The following DLC1 variants were observed in gnomAD, a reference collection of about 807,000 sequenced individuals.
DLC1 encodes rho GTPase-activating protein 7.
A neutral mutation model predicts 140.3 loss-of-function variants in DLC1; 54 were observed. That is an observed-to-expected ratio of 0.38 (90% CI 0.31 to 0.48). The LOEUF (loss-of-function observed/expected upper bound fraction) is 0.48. Ranked by LOEUF, DLC1 falls within the 20% of genes least tolerant of loss-of-function variation. The pLI is 0.96. For missense variants in DLC1, 2,536 were observed against 1,907.0 expected (o/e 1.33, Z -6.14); for synonymous variants, 986 against 728.1 (o/e 1.35, Z -5.70).
At chr8:13,503,878 A>G (rs960901644) in intron 1 of DLC1, among the ~76,000 whole-genome samples, 1 of 152,156 alleles carries the variant, frequency 6.6e-6, no homozygotes, top group East Asian at 1.9e-4. Flanking sequence ...TCTGTGGTAA[A>G]TATCTATCTA....
intron 5 of DLC1, among the ~76,000 whole-genome samples, chr8:13,268,209 T>A (rs1830769028): frequency 1.3e-5 from 2 of 152,354 alleles, no homozygotes; most frequent in South Asian, 2.1e-4. Context: ...TATGTCATTT[T>A]AAAAAATATG....
intron 5 of DLC1, among the ~76,000 whole-genome samples, chr8:13,213,352 T>C (rs1226887681): frequency 6.6e-6 from 1 of 152,162 alleles, no homozygotes; most frequent in Non-Finnish European, 1.5e-5. Flanking sequence ...TTGGAATATA[T>C]AGAAATAACA....
chr8:13,254,640 T>G (rs1408171039), intron 5 of DLC1, among the ~76,000 whole-genome samples: 2 of 114,708 alleles, frequency 1.7e-5, no homozygotes, highest in Non-Finnish European at 3.4e-5. Context: ...CCACCCCCAG[T>G]TGTCAGATAT....
intron 5 of DLC1, among the ~76,000 whole-genome samples, chr8:13,137,788 G>C (rs1442288818): frequency 2.0e-5 from 3 of 151,538 alleles, no homozygotes; most frequent in Non-Finnish European, 4.4e-5. Context: ...AGAAGCAATG[G>C]GGTTTCACCA....
At chr8:13,355,038 G>A (rs1834861195) in intron 4 of DLC1, among the ~76,000 whole-genome samples, 2 of 151,748 alleles carry the variant, frequency 1.3e-5, no homozygotes, top group African/African-American at 2.4e-5. Context: ...ACATTATTGG[G>A]AGAGTTATAG....
At chr8:13,133,808 G>A (rs1014881402) in intron 5 of DLC1, among the ~76,000 whole-genome samples, 2 of 152,080 alleles carry the variant, frequency 1.3e-5, no homozygotes, top group Non-Finnish European at 2.9e-5. Context: ...GGGAACGGAG[G>A]GGAAGCGGAG....
At chr8:13,406,053 C>T (rs1364004887) in intron 2 of DLC1, among the ~76,000 whole-genome samples, 1 of 145,680 alleles carries the variant, frequency 6.9e-6, no homozygotes, top group Non-Finnish European at 1.5e-5. Context: ...GTCTCCCAGG[C>T]TGGAGTGCAG....
At chr8:13,094,735 A>G (rs1229020399) in intron 12 of DLC1, 24 bp downstream of exon 12, 1 of 1,613,862 alleles carries the variant, frequency 6.2e-7, no homozygotes, top group South Asian at 1.1e-5. Context: ...AATGCCAACA[A>G]TCTTAAGATC....
intron 4 of DLC1, among the ~76,000 whole-genome samples, chr8:13,365,429 G>T (rs1835434163): frequency 6.6e-6 from 1 of 152,084 alleles, no homozygotes; most frequent in Non-Finnish European, 1.5e-5. Context: ...TACTATGATA[G>T]TTCCAGGATC....
intron 5 of DLC1, among the ~76,000 whole-genome samples, chr8:13,145,527 G>A (rs1490038156): frequency 6.6e-6 from 1 of 152,110 alleles, no homozygotes; most frequent in African/African-American, 2.4e-5. Flanking sequence ...CTACTCTAAG[G>A]GATGTACTAG....
chr8:13,558,708 C>T (rs1330604906), intron 1 of DLC1: 1 of 152,130 alleles, frequency 6.6e-6, no homozygotes, highest in Non-Finnish European at 1.5e-5. Flanking sequence ...TTGAATATTT[C>T]TCAGTTACAT....
intron 4 of DLC1, among the ~76,000 whole-genome samples, chr8:13,309,154 C>T (rs148626410): frequency 6.6e-6 from 1 of 152,184 alleles, no homozygotes; most frequent in African/African-American, 2.4e-5. Context: ...ACTGCATCCT[C>T]AGGAAGTGAT....
chr8:13,291,378 A>T (rs1292128427), intron 5 of DLC1, among the ~76,000 whole-genome samples: 4 of 152,268 alleles, frequency 2.6e-5, no homozygotes, highest in Non-Finnish European at 1.5e-5. Context: ...ATATGATTTC[A>T]GTGAGTACTG....
At chr8:13,111,848 A>T (rs1820139377) in intron 6 of DLC1, among the ~76,000 whole-genome samples, 1 of 152,136 alleles carries the variant, frequency 6.6e-6, no homozygotes, top group African/African-American at 2.4e-5. Context: ...ACCACAAGCT[A>T]AAAAATTCTC....
intron 2 of DLC1, among the ~76,000 whole-genome samples, chr8:13,422,696 G>T (rs960598069): frequency 6.6e-6 from 1 of 151,434 alleles, no homozygotes; most frequent in South Asian, 2.1e-4. Context: ...TTTCTATATC[G>T]AGCAACTATT....
chr8:13,203,234 A>G (rs941051976), intron 5 of DLC1, among the ~76,000 whole-genome samples: 2 of 152,222 alleles, frequency 1.3e-5, no homozygotes, highest in Non-Finnish European at 2.9e-5. Context: ...AGGTTGGAAG[A>G]TGCTGGAGAA....
intron 1 of DLC1, among the ~76,000 whole-genome samples, chr8:13,592,977 A>G (rs1805568594): frequency 6.6e-6 from 1 of 151,994 alleles, no homozygotes; most frequent in Non-Finnish European, 1.5e-5. Flanking sequence ...TCTTCCAAAT[A>G]TTTCCAAGCC....
At chr8:13,342,860 T>TCTCTC (rs1423222326) in intron 4 of DLC1, 41,511 of 132,898 alleles carry the variant, frequency 0.31, 6,032 homozygotes, top group Admixed American at 0.37. Flanking sequence ...CTCTCTCTCT[T>TCTCTC]TGCGTCCAAC....
chr8:13,155,892 T>C (rs1272229974), intron 5 of DLC1, among the ~76,000 whole-genome samples: 3 of 152,206 alleles, frequency 2.0e-5, no homozygotes, highest in Non-Finnish European at 4.4e-5. Flanking sequence ...TTTTATTTTA[T>C]AAGAGTGAAA....
Sources: gnomAD v4.1 joint callset for allele counts (sites outside exome capture counted in the v4.1 genomes callset) on GRCh38, gnomAD v4.1.1 for gene constraint, MANE v1.5 for transcripts, NCBI Gene and HGNC (gene_info 2026-07-23, HGNC 2026-07-21) for gene names.